NEDD4L: variants seen among roughly 807,000 people sequenced by gnomAD.
NEDD4L encodes the protein NEDD4 like E3 ubiquitin protein ligase.
A neutral mutation model predicts 148.9 loss-of-function variants in NEDD4L; 54 were observed. The ratio of observed to expected loss-of-function variants is 0.36; its 90% CI spans 0.29 to 0.45. The LOEUF (loss-of-function observed/expected upper bound fraction) is 0.45. Ranked by LOEUF, NEDD4L falls within the 20% of genes least tolerant of loss-of-function variation. The pLI, the probability that NEDD4L is intolerant of heterozygous loss-of-function variation, is 1.00. For synonymous variants in NEDD4L, 433 were observed against 440.7 expected, an observed-to-expected ratio of 0.98 and a Z score of 0.22; for missense variants, 856 against 1,233.8, an observed-to-expected ratio of 0.69 and a Z score of 4.59.
intron 1 of NEDD4L, among the ~76,000 whole-genome samples, chr18:58,069,996 G>A (rs919512769): frequency 6.6e-6 from 1 of 152,102 alleles, no homozygotes; most frequent in Non-Finnish European, 1.5e-5. Flanking sequence ...CCACTGGAAG[G>A]GACAGAACAG....
intron 24 of NEDD4L, among the ~76,000 whole-genome samples, chr18:58,380,518 A>G (rs186667816): frequency 1.3e-3 from 192 of 152,094 alleles, no homozygotes; most frequent in African/African-American, 4.4e-3. Context: ...GGGTTTTACC[A>G]TGTTGGCCAG....
rs369488737 is a variant in NEDD4L, at chr18:58,327,170, T to C, written c.681-1825T>C. ...TCACCCACAGTGGCACCATCTCGGC[T>C]CACTGCAACCTCCGCCTCCCAGGTT... On this transcript the variant is annotated intron_variant, in intron 9 of 30. Transcript: ENST00000400345. Among the ~76,000 whole-genome samples, 33 of 152,306 alleles carry C rather than the reference T, an allele frequency of 2.2e-4. 1 individual carries two copies. In the South Asian group the frequency reaches 6.6e-3, roughly 31 times the overall value.
chr18:58,219,101 A>G (rs1347136029), intron 2 of NEDD4L, among the ~76,000 whole-genome samples: 2 of 152,078 alleles, frequency 1.3e-5, no homozygotes, highest in Non-Finnish European at 2.9e-5. Context: ...GTCACTGACT[A>G]TTTTCCAGTT....
At chr18:58,072,318 T>G (rs1221268101) in intron 1 of NEDD4L, among the ~76,000 whole-genome samples, 1 of 152,158 alleles carries the variant, frequency 6.6e-6, no homozygotes, top group East Asian at 1.9e-4. Context: ...AAATCCTCAG[T>G]GCAATGCTAG....
At chr18:58,133,334 T>C (rs1336988791) in intron 1 of NEDD4L, among the ~76,000 whole-genome samples, 1 of 152,206 alleles carries the variant, frequency 6.6e-6, no homozygotes, top group Non-Finnish European at 1.5e-5. Flanking sequence ...CCAGGGTTTA[T>C]ACAGGGCTCT....
At position 58,277,321 on chromosome 18, in the gene NEDD4L, G is replaced by A. The variant is rs9961191; in HGVS notation, c.297+25267G>A. ...GGATAGTAATCCTAGGATAATCCCC[G>A]AGGCAGCAGAGAAAGGCAGGCTCTG... On this transcript the variant is annotated intron_variant, in intron 5 of 30. Transcript: ENST00000400345. Among the ~76,000 whole-genome samples the A allele has an allele frequency of 6.8e-3, 1,035 of 152,204 alleles. 13 individuals carry two copies. The highest frequency in any genetic ancestry group is 0.024 in the African/African-American group (976 of 41,514).
intron 1 of NEDD4L, among the ~76,000 whole-genome samples, chr18:58,073,622 C>G (rs1035428007): frequency 8.5e-5 from 13 of 152,098 alleles, no homozygotes; most frequent in South Asian, 2.1e-4. Flanking sequence ...AAAGGCCACA[C>G]GTTTATTTGA....
At chr18:58,053,989 T>C (rs932316753) in intron 1 of NEDD4L, among the ~76,000 whole-genome samples, 7 of 152,258 alleles carry the variant, frequency 4.6e-5, no homozygotes, top group Non-Finnish European at 1.0e-4. Context: ...GGGCAGACTT[T>C]GGGTCAGAGG....
chr18:58,388,971 A>G (rs756932065), intron 27 of NEDD4L, 114 bp from the exon 28 acceptor site: 8 of 790,982 alleles, frequency 1.0e-5, no homozygotes, highest in African/African-American at 1.7e-5. Flanking sequence ...ATGATTTGCT[A>G]GCTTACCTTC....
At chr18:58,047,339 G>C (rs1396945730) in intron 1 of NEDD4L, 2 of 984,950 alleles carry the variant, frequency 2.0e-6, no homozygotes, top group Non-Finnish European at 2.4e-6. Flanking sequence ...TTGTTGAAAA[G>C]CATGGTATGT....
At chr18:58,109,231 A>G (rs2085264123) in intron 1 of NEDD4L, among the ~76,000 whole-genome samples, 1 of 152,236 alleles carries the variant, frequency 6.6e-6, no homozygotes, top group Admixed American at 6.5e-5. Flanking sequence ...GATAAGTGCT[A>G]CAATTCAGGT....
intron 5 of NEDD4L, among the ~76,000 whole-genome samples, chr18:58,295,241 A>G (rs1000037690): frequency 3.9e-5 from 6 of 152,188 alleles, no homozygotes; most frequent in Non-Finnish European, 7.4e-5. Flanking sequence ...TCACTGCCCT[A>G]AAAATCCTCT....
chr18:58,361,588 G>A (rs926330753), intron 19 of NEDD4L, among the ~76,000 whole-genome samples: 4 of 152,166 alleles, frequency 2.6e-5, no homozygotes, highest in African/African-American at 9.7e-5. Flanking sequence ...AATCAGGACC[G>A]GAGCCCCAGA....
intron 1 of NEDD4L, among the ~76,000 whole-genome samples, chr18:58,117,159 G>T (rs941360288): frequency 3.3e-5 from 5 of 152,126 alleles, no homozygotes; most frequent in African/African-American, 1.2e-4. Flanking sequence ...CAAGTGCTTT[G>T]TTTTTTACAG....
intron 2 of NEDD4L, among the ~76,000 whole-genome samples, chr18:58,184,806 T>C (rs1264426331): frequency 6.6e-6 from 1 of 151,952 alleles, no homozygotes. Flanking sequence ...CGGGCGCCTG[T>C]AGTCCCAGCT....
chr18:58,192,384 GTGGCAGGGAAGTTCCTT>G (rs1173455109), intron 2 of NEDD4L, among the ~76,000 whole-genome samples: 1 of 152,206 alleles, frequency 6.6e-6, no homozygotes, highest in Non-Finnish European at 1.5e-5. Flanking sequence ...AGGGGAGACA[GTGGCAGGGAAGTTCCTT>G]TTGCCTGTCT....
At chr18:58,134,961 G>A (rs1391214746) in intron 1 of NEDD4L, among the ~76,000 whole-genome samples, 1 of 152,058 alleles carries the variant, frequency 6.6e-6, no homozygotes. Flanking sequence ...AATGGAAAGC[G>A]AAGGAACATT....
intron 1 of NEDD4L, among the ~76,000 whole-genome samples, chr18:58,152,910 T>C (rs767682974): frequency 6.6e-6 from 1 of 152,204 alleles, no homozygotes; most frequent in African/African-American, 2.4e-5. Context: ...TGCAAGTACC[T>C]GCAAGTCCAG....
intron 16 of NEDD4L, among the ~76,000 whole-genome samples, chr18:58,348,997 G>C (rs537077827): frequency 6.6e-6 from 1 of 152,122 alleles, no homozygotes; most frequent in Admixed American, 6.5e-5. Context: ...TGATGAAAGC[G>C]ACTCTCCCTG....
Sources: allele counts gnomAD v4.1 joint callset (sites outside exome capture counted in the v4.1 genomes callset), GRCh38; gene constraint gnomAD v4.1.1; transcripts MANE v1.5; gene names NCBI Gene and HGNC (gene_info 2026-07-23, HGNC 2026-07-21).